The following TAFA4 variants were observed in gnomAD, a reference collection of about 807,000 sequenced individuals.
TAFA4 encodes the protein TAFA chemokine like family member 4.
In TAFA4, 20 loss-of-function variants were observed where a neutral mutation model predicts 21.1. The ratio of observed to expected loss-of-function variants is 0.95; its 90% CI spans 0.67 to 1.38. The LOEUF is 1.38. TAFA4 is among the 40% of genes most tolerant of loss of function. The pLI is 0.00. For missense variants in TAFA4, 211 were observed against 180.9 expected, an observed-to-expected ratio of 1.17 and a Z score of -0.95; for synonymous variants, 71 against 67.4, an observed-to-expected ratio of 1.05 and a Z score of -0.26.
chr3:68,839,008 G>C (rs1704591303), intron 3 of TAFA4, among the ~76,000 whole-genome samples: 1 of 152,188 alleles, frequency 6.6e-6, no homozygotes, highest in South Asian at 2.1e-4. Flanking sequence ...TGAGGTGGGA[G>C]AATCACTTGA....
intron 3 of TAFA4, among the ~76,000 whole-genome samples, chr3:68,845,007 G>A (rs2083674581): frequency 6.6e-6 from 1 of 152,152 alleles, no homozygotes; most frequent in Non-Finnish European, 1.5e-5. Context: ...GATTTGGGGA[G>A]GAGCGTTCTG....
intron 3 of TAFA4, among the ~76,000 whole-genome samples, chr3:68,810,471 C>A (rs1447981388): frequency 2.0e-5 from 3 of 152,184 alleles, no homozygotes; most frequent in Admixed American, 2.0e-4. Context: ...GTCACTCCCA[C>A]CCTAATACTG....
intron 3 of TAFA4, among the ~76,000 whole-genome samples, chr3:68,809,171 G>C (rs1049734517): frequency 1.3e-5 from 2 of 152,206 alleles, no homozygotes; most frequent in African/African-American, 2.4e-5. Flanking sequence ...CACAGTGCAA[G>C]TTTCATGGTT....
chr3:68,818,697 G>A (rs998099474), intron 3 of TAFA4, among the ~76,000 whole-genome samples: 1 of 152,136 alleles, frequency 6.6e-6, no homozygotes, highest in Non-Finnish European at 1.5e-5. Context: ...AGAACGGCTG[G>A]TCAGTGGAGT....
Position 68,890,749 on chromosome 3 carries a change from T to G in TAFA4, c.-122-5439A>C, listed in dbSNP as rs1486788011. Reference sequence around the variant, plus strand: ...GTATTTCCAAAAAATACCAGTCCCTTTTCATGCTTTAGTAAACAGGAGGAA... The same window carrying G: ...GTATTTCCAAAAAATACCAGTCCCTGTTCATGCTTTAGTAAACAGGAGGAA... On this transcript the variant is annotated intron_variant, in intron 1 of 5. Transcript: ENST00000295569. Among the ~76,000 whole-genome samples the G allele has an allele frequency of 3.9e-5, 6 of 152,328 alleles. No individual in the cohort carries two copies. In the East Asian group the frequency reaches 1.2e-3, roughly 29 times the overall value.
chr3:68,905,592 G>A (rs887261926), intron 1 of TAFA4, among the ~76,000 whole-genome samples: 2 of 152,168 alleles, frequency 1.3e-5, no homozygotes, highest in Non-Finnish European at 2.9e-5. Flanking sequence ...TTAGCAAGGG[G>A]AGTCAGGGAT....
chr3:68,879,169 C>G lies in TAFA4; in HGVS notation c.130+1561G>C, dbSNP rs2089587435. On this transcript the variant is annotated intron_variant, in intron 3 of 5. Transcript: ENST00000295569. ...ACAGTGCCAGGAGCCTCTCTGGACA[C>G]TCAGACACAGCCGTTTGCAGATAAC... 2.0e-5 allele frequency among the ~76,000 whole-genome samples: 3 copies of G among 152,268 alleles called. No individual in the cohort carries two copies. The South Asian group carries it at 6.2e-4, about 32-fold the overall frequency.
chr3:68,782,908 C>G (rs1703178213), intron 3 of TAFA4, among the ~76,000 whole-genome samples: 1 of 151,934 alleles, frequency 6.6e-6, no homozygotes, highest in Non-Finnish European at 1.5e-5. Context: ...TATTTTACAA[C>G]AATAAAAAAG....
At chr3:68,923,064 T>C (rs1233779302) in intron 1 of TAFA4, among the ~76,000 whole-genome samples, 3 of 152,184 alleles carry the variant, frequency 2.0e-5, no homozygotes, top group Non-Finnish European at 2.9e-5. Flanking sequence ...CAGGATTCCA[T>C]GAGGCCCAGC....
intron 3 of TAFA4, among the ~76,000 whole-genome samples, chr3:68,820,999 T>A (rs939527249): frequency 3.3e-5 from 5 of 152,230 alleles, no homozygotes; most frequent in Non-Finnish European, 7.3e-5. Flanking sequence ...CCAAATGATG[T>A]AGTGTACAAA....
At position 68,832,359 on chromosome 3, in the gene TAFA4, GT is replaced by G. The variant is rs566017478; in HGVS notation, c.130+48370del. Among the ~76,000 whole-genome samples, 294 of 152,292 alleles carry G rather than the reference GT, an allele frequency of 1.9e-3. 2 individuals carry two copies. The highest frequency in any genetic ancestry group is 3.1e-3 in the Non-Finnish European group (214 of 68,034). On this transcript the variant is annotated intron_variant, in intron 3 of 5. Coordinates refer to ENST00000295569, the MANE Select transcript of TAFA4 (RefSeq NM_182522.5). ...TTGATGTTGGTGACCTACAGATGGG[GT>G]TTTGGTGTGGATGTCCTTTTTTGTT...
chr3:68,771,614 G>A (rs1261020874), intron 3 of TAFA4, among the ~76,000 whole-genome samples: 1 of 152,154 alleles, frequency 6.6e-6, no homozygotes, highest in Non-Finnish European at 1.5e-5. Context: ...ATTATCAAAA[G>A]TACCACCCCT....
At chr3:68,831,389 T>TA in intron 3 of TAFA4, among the ~76,000 whole-genome samples, 1 of 152,338 alleles carries the variant, frequency 6.6e-6, no homozygotes, top group East Asian at 1.9e-4. Context: ...CTGGTGGTGA[T>TA]AAAATCTCTG....
intron 3 of TAFA4, among the ~76,000 whole-genome samples, chr3:68,776,139 C>CA (rs1234273624): frequency 2.0e-5 from 3 of 151,650 alleles, no homozygotes; most frequent in African/African-American, 7.3e-5. Flanking sequence ...AAGCAGAAAA[C>CA]AAAAAAATAA....
intron 2 of TAFA4, 110 bp downstream of exon 2, chr3:68,885,065 G>T: frequency 9.9e-7 from 1 of 1,005,464 alleles, no homozygotes; most frequent in Non-Finnish European, 1.5e-6. Flanking sequence ...CCCAAAAAGT[G>T]TAAAAGCAGG....
chr3:68,842,579 T>G (rs1197430544), intron 3 of TAFA4, among the ~76,000 whole-genome samples: 2 of 152,222 alleles, frequency 1.3e-5, no homozygotes, highest in African/African-American at 4.8e-5. Context: ...TGGCTTTTGT[T>G]GCCATTGCTT....
At chr3:68,776,342 G>A (rs2106789842) in intron 3 of TAFA4, among the ~76,000 whole-genome samples, 1 of 152,168 alleles carries the variant, frequency 6.6e-6, no homozygotes, top group Middle Eastern at 3.4e-3. Flanking sequence ...CATACAGAAA[G>A]TAAGCATAAA....
intron 5 of TAFA4, among the ~76,000 whole-genome samples, chr3:68,738,035 C>A (rs114905710): frequency 2.0e-5 from 3 of 152,080 alleles, no homozygotes; most frequent in African/African-American, 7.2e-5. Context: ...TCCCACCAGA[C>A]AGAAAGCTCT....
intron 3 of TAFA4, among the ~76,000 whole-genome samples, chr3:68,757,479 C>T (rs1702679402): frequency 6.6e-6 from 1 of 152,056 alleles, no homozygotes; most frequent in African/African-American, 2.4e-5. Context: ...CTAAATGACC[C>T]TTGAGAGTCT....
Sources: allele counts gnomAD v4.1 joint callset (sites outside exome capture counted in the v4.1 genomes callset), GRCh38; gene constraint gnomAD v4.1.1; transcripts MANE v1.5; gene names NCBI Gene and HGNC (gene_info 2026-07-23, HGNC 2026-07-21).